Variants in ESR2 observed in about 807,000 individuals in gnomAD.
ESR2 encodes the protein estrogen receptor 2, also known as estrogen receptor beta.
A neutral mutation model predicts 49.6 loss-of-function variants in ESR2; 36 were observed. The ratio of observed to expected loss-of-function variants is 0.73; its 90% CI spans 0.56 to 0.96. ESR2 has a LOEUF of 0.96. Ranked by LOEUF, ESR2 falls within the 40% of genes least tolerant of loss-of-function variation. The pLI, the probability that ESR2 is intolerant of heterozygous loss-of-function variation, is 0.00. For synonymous variants in ESR2, 320 were observed against 266.1 expected (o/e 1.20, Z -1.97); for missense variants, 714 against 693.0 (o/e 1.03, Z -0.34).
intron 4 of ESR2, among the ~76,000 whole-genome samples, chr14:64,262,921 AG>A (rs1388149573): frequency 6.6e-6 from 1 of 152,196 alleles, no homozygotes; most frequent in East Asian, 1.9e-4. Context: ...AAAAGATAAA[AG>A]GGAATTGAAA....
At chr14:64,268,027 G>T (rs1366750625) in intron 4 of ESR2, among the ~76,000 whole-genome samples, 1 of 152,168 alleles carries the variant, frequency 6.6e-6, no homozygotes, top group Non-Finnish European at 1.5e-5. Flanking sequence ...GAACTGCTCT[G>T]AGTACATATA....
rs2098727566 is a variant in ESR2 at position 64,231,875 on chromosome 14, C to A, written c.*1262G>T. The A allele has an allele frequency of 6.6e-6, 1 of 152,172 alleles. No homozygotes were observed. The allele number at this position is 152,172 out of a possible 1,614,324, so 9.4% of individuals were successfully genotyped here. ...AAGTTGTCATTTCAGAGGTGCCCTT[C>A]TTCATGTCCTATTTATGTTCCACTT... On this transcript the variant is annotated 3_prime_UTR_variant, in exon 9 of 9. Transcript: ENST00000341099.
intron 1 of ESR2, among the ~76,000 whole-genome samples, chr14:64,305,587 T>A (rs924362515): frequency 6.7e-6 from 1 of 149,220 alleles, no homozygotes; most frequent in African/African-American, 2.5e-5. Flanking sequence ...AGGAGAATGG[T>A]GTGAACCAGG....
At chr14:64,275,773 T>TA (rs1162650912) in intron 3 of ESR2, among the ~76,000 whole-genome samples, 4 of 152,190 alleles carry the variant, frequency 2.6e-5, no homozygotes, top group African/African-American at 9.6e-5. Context: ...CTACTCAAAA[T>TA]ATGAGGTTAC....
intron 7 of ESR2, among the ~76,000 whole-genome samples, chr14:64,238,001 GTA>G (rs1193553317): frequency 6.6e-6 from 1 of 152,032 alleles, no homozygotes; most frequent in African/African-American, 2.4e-5. Flanking sequence ...ACATTGAACT[GTA>G]TACTTAATAT....
intron 1 of ESR2, among the ~76,000 whole-genome samples, chr14:64,320,645 C>G (rs1002176155): frequency 6.6e-6 from 1 of 152,286 alleles, no homozygotes; most frequent in Admixed American, 6.5e-5. Flanking sequence ...GTAATCCCAA[C>G]ACTTTGGGAG....
chr14:64,231,606 C>G lies in ESR2; in HGVS notation c.*1531G>C, dbSNP rs922201890. 3 of 152,202 alleles carry G rather than the reference C, an allele frequency of 2.0e-5. No homozygotes were observed. Among genetic ancestry groups the G allele is most frequent in the Non-Finnish European group, 4.4e-5 (3 of 68,016 alleles). The allele number at this position is 152,202 out of a possible 1,614,324, so 9.4% of individuals were successfully genotyped here. A position where few individuals can be genotyped will look rare whatever the true frequency, so the allele number is the denominator to read the frequency against. On this transcript the variant is annotated 3_prime_UTR_variant, in exon 9 of 9. Transcript: ENST00000341099. Reference sequence around the variant, plus strand: ...CGAGGTCTTACTAGCAAAAACCAGTCTTGGTAACACTGAATGCAGTCTTCC... The same window carrying G: ...CGAGGTCTTACTAGCAAAAACCAGTGTTGGTAACACTGAATGCAGTCTTCC...
In ESR2 at chr14:64,279,928, T is replaced by C. The variant is rs141814969; in HGVS notation, c.535+53A>G. On this transcript the variant is annotated intron_variant, in intron 3 of 8. Coordinates refer to ENST00000341099, the MANE Select transcript of ESR2 (RefSeq NM_001437.3). The stretch of plus-strand genomic sequence containing the variant: ...TTCTGCCAAGTCATCTCTGCAAAAT[T>C]GTTTGAAATCAAAAGTAGGAAACTA... 2,203 of 1,491,052 alleles carry C rather than the reference T, an allele frequency of 1.5e-3. 16 individuals carry two copies. Among genetic ancestry groups the C allele is most frequent in the Non-Finnish European group, 1.2e-3 (1,246 of 1,071,228 alleles). The allele number at this position is 1,491,052 out of a possible 1,614,324, so 92.4% of individuals were successfully genotyped here. A position where few individuals can be genotyped will look rare whatever the true frequency, so the allele number is the denominator to read the frequency against.
intron 1 of ESR2, among the ~76,000 whole-genome samples, chr14:64,284,334 CTTTT>C (rs1012719000): frequency 1.3e-5 from 2 of 150,930 alleles, no homozygotes; most frequent in Non-Finnish European, 3.0e-5. Flanking sequence ...ACAGGCAAAT[CTTTT>C]TTTTTGAGAT....
chr14:64,258,835 A>G (rs1372202928), intron 5 of ESR2, among the ~76,000 whole-genome samples: 1 of 152,230 alleles, frequency 6.6e-6, no homozygotes, highest in Non-Finnish European at 1.5e-5. Context: ...TAGATATTCA[A>G]CAAGATCAAG....
chr14:64,312,355 T>C (rs1182613074), intron 1 of ESR2, among the ~76,000 whole-genome samples: 1 of 152,078 alleles, frequency 6.6e-6, no homozygotes, highest in Non-Finnish European at 1.5e-5. Context: ...AGCCCTAATA[T>C]AGCAATAATT....
At chr14:64,317,702 T>C (rs1308046870) in intron 1 of ESR2, among the ~76,000 whole-genome samples, 1 of 152,052 alleles carries the variant, frequency 6.6e-6, no homozygotes, top group Non-Finnish European at 1.5e-5. Flanking sequence ...GCAAGGGTGG[T>C]TCAACCTTCA....
Position 64,260,743 on chromosome 14 carries a change from G to C in ESR2, c.658C>G (p.Arg220Gly), listed in dbSNP as rs2076203572. Reference protein sequence around the residue: ...YEVGMVKCGSRRERCGYRLVR... With the variant: ...YEVGMVKCGSGRERCGYRLVR... ...AGGCGGTACCCACATCTCTCTCTCC[G>C]GGAGCCTGAAGAGGAAAGCAGAGTC... The change falls in exon 5 of 9, where the codon CGG becomes GGG. Residue 220 changes from arginine to glycine, a missense_variant. Coordinates refer to ENST00000341099, the MANE Select transcript of ESR2 (RefSeq NM_001437.3). 1 of 1,480,296 alleles carries C rather than the reference G, an allele frequency of 6.8e-7. No homozygotes were observed. The highest frequency in any genetic ancestry group is 2.5e-5 in the Admixed American group (1 of 40,604). The allele number at this position is 1,480,296 out of a possible 1,614,324, so 91.7% of individuals were successfully genotyped here. A position where few individuals can be genotyped will look rare whatever the true frequency, so the allele number is the denominator to read the frequency against.
downstream of ESR2, chr14:64,227,363 T>G (rs1596351683): frequency 7.2e-6 from 5 of 696,804 alleles, no homozygotes; most frequent in East Asian, 1.4e-4. Context: ...TATCAAATTG[T>G]TGGATTGATA....
In ESR2 at chr14:64,230,377, A is replaced by C. The variant is rs1026450301; in HGVS notation, c.*2760T>G. On this transcript the variant is annotated 3_prime_UTR_variant, in exon 9 of 9. Coordinates refer to ENST00000341099, the MANE Select transcript of ESR2 (RefSeq NM_001437.3). ...AATTGCTTCAATTCCACTTATATAC[A>C]TAAATATATATGGATATATAATATG... Among the ~76,000 whole-genome samples, 4 of 152,166 alleles carry C rather than the reference A, an allele frequency of 2.6e-5. No individual in the cohort carries two copies. The highest frequency in any genetic ancestry group is 5.9e-5 in the Non-Finnish European group (4 of 68,024).
At chr14:64,261,522 A>T (rs561956983) in intron 4 of ESR2, among the ~76,000 whole-genome samples, 1 of 152,228 alleles carries the variant, frequency 6.6e-6, no homozygotes, top group East Asian at 1.9e-4. Context: ...GGTTCAAGCG[A>T]TTCTCCTGCC....
At chr14:64,307,143 G>T (rs2077112339) in intron 1 of ESR2, among the ~76,000 whole-genome samples, 1 of 151,626 alleles carries the variant, frequency 6.6e-6, no homozygotes, top group Non-Finnish European at 1.5e-5. Flanking sequence ...TTTGCAATTT[G>T]TGTTTCCTTT....
chr14:64,294,905 G>A (rs1399944538), upstream of ESR2, among the ~76,000 whole-genome samples: 1 of 152,204 alleles, frequency 6.6e-6, no homozygotes, highest in Non-Finnish European at 1.5e-5. Flanking sequence ...TTAGATCAAA[G>A]ATCCCAGGTA....
chr14:64,249,471 C>T, intron 7 of ESR2, 75 bp downstream of exon 7: 1 of 1,493,026 alleles, frequency 6.7e-7, no homozygotes, highest in Non-Finnish European at 9.1e-7. Context: ...GTTCAACATT[C>T]TTCTTAATAT....
Sources: allele counts gnomAD v4.1 joint callset (sites outside exome capture counted in the v4.1 genomes callset), GRCh38; gene constraint gnomAD v4.1.1; transcripts MANE v1.5; gene names NCBI Gene and HGNC (gene_info 2026-07-23, HGNC 2026-07-21).